PLXDC2: variants seen among roughly 807,000 people sequenced by gnomAD.
The protein encoded by PLXDC2 is plexin domain-containing protein 2.
In PLXDC2, 40 loss-of-function variants were observed where a neutral mutation model predicts 68.9. The ratio of observed to expected loss-of-function variants is 0.58; its 90% confidence interval spans 0.45 to 0.76. PLXDC2 has a LOEUF of 0.76. Ranked by LOEUF, PLXDC2 falls within the 30% of genes least tolerant of loss-of-function variation. The pLI, the probability that PLXDC2 is intolerant of heterozygous loss-of-function variation, is 0.00. For synonymous variants in PLXDC2, 243 were observed against 234.2 expected, an observed-to-expected ratio of 1.04 and a Z score of -0.34; for missense variants, 644 against 661.9, an observed-to-expected ratio of 0.97 and a Z score of 0.30.
At chr10:19,947,958 A>G (rs1833930351) in intron 1 of PLXDC2, among the ~76,000 whole-genome samples, 1 of 152,162 alleles carries the variant, frequency 6.6e-6, no homozygotes, top group African/African-American at 2.4e-5. Context: ...TGTGAAATTA[A>G]GGGTCCAATA....
chr10:19,871,681 A>ACTAGCCTGG (rs1183545046), intron 1 of PLXDC2, among the ~76,000 whole-genome samples: 1 of 151,950 alleles, frequency 6.6e-6, no homozygotes, highest in Non-Finnish European at 1.5e-5. Context: ...GGAGTACGAG[A>ACTAGCCTGG]CTAGCCTGGC....
chr10:19,911,045 C>T (rs77805612), intron 1 of PLXDC2, among the ~76,000 whole-genome samples: 6,666 of 145,302 alleles, frequency 0.046, 254 homozygotes, highest in East Asian at 0.17. Flanking sequence ...AAAAGAATAG[C>T]TTAGTTTATG....
At chr10:20,205,414 T>C (rs1003054020) in intron 9 of PLXDC2, among the ~76,000 whole-genome samples, 7 of 152,144 alleles carry the variant, frequency 4.6e-5, no homozygotes, top group Non-Finnish European at 8.8e-5. Flanking sequence ...AAATCAATTA[T>C]GTGAGAAATA....
At chr10:19,892,824 A>G (rs756970116) in intron 1 of PLXDC2, among the ~76,000 whole-genome samples, 2 of 152,088 alleles carry the variant, frequency 1.3e-5, no homozygotes, top group Non-Finnish European at 2.9e-5. Context: ...GATTTTGTTT[A>G]TCTATAAATA....
chr10:20,192,550 C>G (rs1444610845), intron 9 of PLXDC2, among the ~76,000 whole-genome samples: 1 of 151,878 alleles, frequency 6.6e-6, no homozygotes, highest in Non-Finnish European at 1.5e-5. Context: ...TGGCATGTAG[C>G]AAAAATGGTG....
chr10:19,969,712 T>G (rs1182076211), intron 1 of PLXDC2, among the ~76,000 whole-genome samples: 1 of 152,242 alleles, frequency 6.6e-6, no homozygotes, highest in Admixed American at 6.5e-5. Flanking sequence ...GTAAGATAAT[T>G]CTTATTCTGA....
chr10:19,892,327 T>C (rs1837979844), intron 1 of PLXDC2, among the ~76,000 whole-genome samples: 1 of 152,138 alleles, frequency 6.6e-6, no homozygotes, highest in African/African-American at 2.4e-5. Context: ...TTGTCCAAAG[T>C]CATTCAGCTA....
At position 20,217,596 on chromosome 10, in the gene PLXDC2, CTTTTTTTTTTTTTT is replaced by C. The variant is rs66483508; in HGVS notation, c.1273+35_1273+48del. The C allele has an allele frequency of 9.4e-5, 74 of 785,146 alleles. No individual in the cohort carries two copies. In the Middle Eastern group the frequency reaches 6.3e-3, roughly 67 times the overall value. 48.6% of individuals were successfully genotyped at this position (785,146 alleles called of 1,614,324 possible). On this transcript the variant is annotated intron_variant, in intron 11 of 13. Transcript: ENST00000377252. Reference sequence around the variant, plus strand: ...CAGAAGGTACCCAAGAGATAGTTTGCTTTTTTTTTTTTTTTTTTTTTTTTTTTTCCCTGAAGGAA... The same window carrying C: ...CAGAAGGTACCCAAGAGATAGTTTGCTTTTTTTTTTTTTTCCCTGAAGGAA...
intron 4 of PLXDC2, among the ~76,000 whole-genome samples, chr10:20,106,117 G>T (rs574575986): frequency 6.6e-6 from 1 of 152,162 alleles, no homozygotes; most frequent in African/African-American, 2.4e-5. Flanking sequence ...TCATGGCCTT[G>T]TTAACCACAT....
At chr10:20,052,805 G>A (rs928291280) in intron 3 of PLXDC2, among the ~76,000 whole-genome samples, 5 of 151,614 alleles carry the variant, frequency 3.3e-5, no homozygotes, top group Admixed American at 2.6e-4. Context: ...GAGGGCTAAC[G>A]ATTTAGCCTT....
intron 4 of PLXDC2, among the ~76,000 whole-genome samples, chr10:20,082,338 G>A (rs765500561): frequency 5.3e-5 from 8 of 151,606 alleles, no homozygotes; most frequent in Non-Finnish European, 7.4e-5. Context: ...GTATGATGTC[G>A]GTAGTATGGG....
At chr10:20,099,235 C>T (rs907991951) in intron 4 of PLXDC2, among the ~76,000 whole-genome samples, 19 of 152,206 alleles carry the variant, frequency 1.2e-4, no homozygotes, top group Admixed American at 3.3e-4. Flanking sequence ...AACAGTATCA[C>T]CATTAATACC....
intron 1 of PLXDC2, among the ~76,000 whole-genome samples, chr10:19,886,461 C>G (rs565577036): frequency 2.6e-5 from 4 of 152,246 alleles, no homozygotes; most frequent in African/African-American, 9.6e-5. Context: ...GGATGCAAAG[C>G]TGATTCAATA....
chr10:20,116,072 CG>C (rs1833617206), intron 4 of PLXDC2, among the ~76,000 whole-genome samples: 1 of 152,178 alleles, frequency 6.6e-6, no homozygotes, highest in African/African-American at 2.4e-5. Context: ...TGTGGATTCA[CG>C]CTGCTCCTCT....
intron 3 of PLXDC2, among the ~76,000 whole-genome samples, chr10:20,059,813 A>G (rs927467924): frequency 6.6e-6 from 1 of 152,174 alleles, no homozygotes; most frequent in Non-Finnish European, 1.5e-5. Flanking sequence ...AAGCATTATT[A>G]GTTATCCTGC....
At chr10:19,986,893 C>T (rs1834650424) in intron 1 of PLXDC2, among the ~76,000 whole-genome samples, 1 of 152,154 alleles carries the variant, frequency 6.6e-6, no homozygotes, top group African/African-American at 2.4e-5. Context: ...TTGAGTGGGA[C>T]TGGAGTTCAA....
chr10:20,193,042 T>C (rs79584794), intron 9 of PLXDC2, among the ~76,000 whole-genome samples: 14,670 of 152,104 alleles, frequency 0.096, 881 homozygotes, highest in Non-Finnish European at 0.14. Context: ...CCCCATAAAT[T>C]ATATGGCCCC....
intron 4 of PLXDC2, among the ~76,000 whole-genome samples, chr10:20,095,582 T>G (rs988496498): frequency 2.0e-5 from 3 of 152,132 alleles, no homozygotes; most frequent in Admixed American, 2.0e-4. Flanking sequence ...TTAGGTACCC[T>G]GAGGGAGAGT....
intron 1 of PLXDC2, among the ~76,000 whole-genome samples, chr10:19,910,009 G>T (rs74122114): frequency 6.6e-6 from 1 of 152,148 alleles, no homozygotes; most frequent in East Asian, 1.9e-4. Flanking sequence ...TCAAAAATCC[G>T]TGTTTTGCCT....
Sources: gnomAD v4.1 joint callset for allele counts (sites outside exome capture counted in the v4.1 genomes callset) on GRCh38, gnomAD v4.1.1 for gene constraint, MANE v1.5 for transcripts, NCBI Gene and HGNC (gene_info 2026-07-23, HGNC 2026-07-21) for gene names.